The following TLR5 variants were observed in gnomAD, a reference collection of about 807,000 sequenced individuals.
The protein encoded by TLR5 is toll like receptor 5.
For missense variants in TLR5, 944 were observed against 999.8 expected, an observed-to-expected ratio of 0.94 and a Z score of 0.75; for synonymous variants, 373 against 384.4, an observed-to-expected ratio of 0.97 and a Z score of 0.35.
chr1:223,141,870 G>GAGAGAGAA (rs1657890311), intron 1 of TLR5, 107 bp from the exon 2 acceptor site: 1 of 148,620 alleles, frequency 6.7e-6, no homozygotes, highest in African/African-American at 2.5e-5. Flanking sequence ...GAGAGAGAGA[G>GAGAGAGAA]AGATTATTTT....
chr1:223,132,423 TACAC>T (rs986128568), intron 5 of TLR5, 48 bp downstream of exon 5: 1 of 152,236 alleles, frequency 6.6e-6, no homozygotes, highest in African/African-American at 2.4e-5. Flanking sequence ...ATACGTATCA[TACAC>T]ACACAGACAC....
At chr1:223,140,127 G>T (rs1003785237) in intron 2 of TLR5, among the ~76,000 whole-genome samples, 2 of 152,146 alleles carry the variant, frequency 1.3e-5, no homozygotes, top group Non-Finnish European at 2.9e-5. Context: ...TCGGGTAGGG[G>T]CCTGCCAGGG....
chr1:223,117,633 A>G (rs1656742974), intron 5 of TLR5, among the ~76,000 whole-genome samples: 1 of 152,122 alleles, frequency 6.6e-6, no homozygotes, highest in African/African-American at 2.4e-5. Flanking sequence ...CAACACTGCC[A>G]TCAACAGAAA....
At chr1:223,116,719 T>C (rs1234324268) in intron 5 of TLR5, among the ~76,000 whole-genome samples, 1 of 152,150 alleles carries the variant, frequency 6.6e-6, no homozygotes, top group Non-Finnish European at 1.5e-5. Context: ...AGCTGATTGG[T>C]CCGTTTTGAC....
At chr1:223,119,963 T>C (rs1210748065) in intron 5 of TLR5, among the ~76,000 whole-genome samples, 1 of 67,082 alleles carries the variant, frequency 1.5e-5, no homozygotes, top group African/African-American at 1.2e-4. Flanking sequence ...TAAAATAAAA[T>C]AAAATAAAAT....
rs5744190 is a variant in TLR5, at chr1:223,109,471, C to CA, written c.*983dup. The CA allele has an allele frequency of 0.33, 49,862 of 151,826 alleles. 9,679 individuals carry two copies. Among genetic ancestry groups the CA allele is most frequent in the Non-Finnish European group, 0.43 (29,141 of 67,868 alleles). 9.4% of individuals were successfully genotyped at this position (151,826 alleles called of 1,614,324 possible). Reference sequence around the variant, plus strand: ...CTTCAGTGAAATTGCAACTGCCCCCCAGGAGGCCTTCAGTGTATGTGTTCT... The same window carrying CA: ...CTTCAGTGAAATTGCAACTGCCCCCCAAGGAGGCCTTCAGTGTATGTGTTCT... On this transcript the variant is annotated 3_prime_UTR_variant, in exon 6 of 6. Transcript: ENST00000642603.
At chr1:223,116,158 T>A (rs773315576) in intron 5 of TLR5, among the ~76,000 whole-genome samples, 25 of 152,250 alleles carry the variant, frequency 1.6e-4, no homozygotes, top group Non-Finnish European at 3.2e-4. Flanking sequence ...TTTGCTTATT[T>A]ATCATACTGT....
At chr1:223,139,617 G>T (rs927750412) in intron 2 of TLR5, among the ~76,000 whole-genome samples, 1 of 152,186 alleles carries the variant, frequency 6.6e-6, no homozygotes, top group African/African-American at 2.4e-5. Flanking sequence ...AGCTACCTGG[G>T]GCTGCAGTGG....
chr1:223,128,315 G>T (rs1038532239), intron 5 of TLR5: 2 of 152,230 alleles, frequency 1.3e-5, no homozygotes, highest in African/African-American at 4.8e-5. Context: ...GCATCTCTGG[G>T]CATGGCTGCA....
chr1:223,113,087 G>A (rs1656454098), intron 5 of TLR5, 52 bp from the exon 6 acceptor site: 2 of 1,559,138 alleles, frequency 1.3e-6, no homozygotes, highest in Non-Finnish European at 1.8e-6. Context: ...TCGAGGTATT[G>A]CACTGGGGTC....
At position 223,137,950 on chromosome 1, in the gene TLR5, ATTTTTTT is replaced by A. The variant is rs3044335; in HGVS notation, c.-438-694_-438-688del. Among the ~76,000 whole-genome samples, 49 of 84,568 alleles carry A rather than the reference ATTTTTTT, an allele frequency of 5.8e-4. No individual in the cohort carries two copies. The South Asian group carries it at 0.01, about 17-fold the overall frequency. 55.5% of individuals were successfully genotyped at this position (84,568 alleles called of 152,430 possible). ...AACCTCCTCAGGTCTGGCTTTTTAAATTTTTTTTTTTTTTTTTTTTTTTTTTGAGACC... is the reference window on the plus strand; with the variant it reads ...AACCTCCTCAGGTCTGGCTTTTTAAATTTTTTTTTTTTTTTTTTTGAGACC... On this transcript the variant is annotated intron_variant, in intron 2 of 5. Transcript: ENST00000642603.
chr1:223,114,907 C>T (rs754552344), intron 5 of TLR5, among the ~76,000 whole-genome samples: 2 of 152,154 alleles, frequency 1.3e-5, no homozygotes, highest in Non-Finnish European at 2.9e-5. Flanking sequence ...TCAGCAAGTC[C>T]TGTTGGTGCC....
chr1:223,112,925 C>A lies in TLR5; in HGVS notation c.107G>T (p.Cys36Phe), dbSNP rs1178713841. Residue 36 changes from cysteine (C) to phenylalanine (F), a missense_variant, in exon 6 of 6, where the codon TGC becomes TTC. Cys to Phe is a radical substitution (Grantham distance 205). Coordinates refer to ENST00000642603, the MANE Select transcript of TLR5 (RefSeq NM_003268.6). Reference protein sequence around the residue: ...FDGRIAFYRFCNLTQVPQVLN... With the variant: ...FDGRIAFYRFFNLTQVPQVLN... ...GACCTGGGGGACCTGGGTGAGGTTGCAGAAACGATAAAAGGCTATTCGGCC... is the reference window on the plus strand; with the variant it reads ...GACCTGGGGGACCTGGGTGAGGTTGAAGAAACGATAAAAGGCTATTCGGCC... 1.2e-6 allele frequency: 2 copies of A among 1,613,982 alleles called. No homozygotes were observed. Among genetic ancestry groups the A allele is most frequent in the African/African-American group, 1.3e-5 (1 of 74,882 alleles).
intron 2 of TLR5, among the ~76,000 whole-genome samples, chr1:223,138,506 C>T (rs1003463312): frequency 5.3e-5 from 8 of 152,100 alleles, no homozygotes; most frequent in Non-Finnish European, 1.0e-4. Flanking sequence ...CATTTGCTTT[C>T]ACAAGTTAAA....
intron 5 of TLR5, among the ~76,000 whole-genome samples, chr1:223,121,684 A>AT (rs1262816674): frequency 2.0e-4 from 30 of 152,204 alleles, no homozygotes; most frequent in East Asian, 1.7e-3. Context: ...ATGCTAGCTA[A>AT]TTTTTGTACT....
intron 1 of TLR5, 51 bp from the exon 2 acceptor site, chr1:223,141,814 T>TAGAG (rs1657872161): frequency 4.3e-5 from 2 of 46,852 alleles, no homozygotes; most frequent in African/African-American, 9.4e-5. Context: ...TATATATATA[T>TAGAG]ATATATATAG....
At chr1:223,127,040 T>A (rs562614028) in intron 5 of TLR5, 1 of 152,216 alleles carries the variant, frequency 6.6e-6, no homozygotes, top group Non-Finnish European at 1.5e-5. Flanking sequence ...GGCCATGGTG[T>A]CTCTGCAGCA....
intron 5 of TLR5, among the ~76,000 whole-genome samples, chr1:223,116,776 A>G (rs1656676298): frequency 6.6e-6 from 1 of 152,150 alleles, no homozygotes; most frequent in Admixed American, 6.5e-5. Context: ...GACACAGAGC[A>G]CTGATTAGTG....
In TLR5 at chr1:223,110,319, G is replaced by A. The variant is rs1471355544; in HGVS notation, c.*136C>T. The A allele has an allele frequency of 7.0e-6, 6 of 860,542 alleles. No homozygotes were observed. Among genetic ancestry groups the A allele is most frequent in the Non-Finnish European group, 1.1e-5 (6 of 548,474 alleles). The allele number at this position is 860,542 out of a possible 1,614,324, so 53.3% of individuals were successfully genotyped here. A position where few individuals can be genotyped will look rare whatever the true frequency, so the allele number is the denominator to read the frequency against. ...AGAACATGGTGTTGATACGAAAATTGAGAGATTTATGTTGTTTTCATAGTA... is the reference window on the plus strand; with the variant it reads ...AGAACATGGTGTTGATACGAAAATTAAGAGATTTATGTTGTTTTCATAGTA... On this transcript the variant is annotated 3_prime_UTR_variant, in exon 6 of 6. Transcript: ENST00000642603.
Sources: gnomAD v4.1 joint callset for allele counts (sites outside exome capture counted in the v4.1 genomes callset) on GRCh38, gnomAD v4.1.1 for gene constraint, MANE v1.5 for transcripts, NCBI Gene and HGNC (gene_info 2026-07-23, HGNC 2026-07-21) for gene names.